XRN1: variants seen among roughly 807,000 people sequenced by gnomAD.
XRN1 encodes strand-exchange protein 1 homolog.
A neutral mutation model predicts 222.3 loss-of-function variants in XRN1; 67 were observed. The observed-to-expected ratio is 0.30, with a 90% CI of 0.25 to 0.37. The LOEUF (loss-of-function observed/expected upper bound fraction) is 0.37, where lower values mean the gene tolerates loss of function less well. Ranked by LOEUF, XRN1 falls within the 10% of genes least tolerant of loss-of-function variation. The pLI is 1.00. For missense variants in XRN1, 1,707 were observed against 2,000.2 expected (o/e 0.85, Z 2.80); for synonymous variants, 643 against 652.4 (o/e 0.99, Z 0.22).
chr3:142,325,358 T>A (rs1394280645), intron 37 of XRN1, among the ~76,000 whole-genome samples: 2 of 152,202 alleles, frequency 1.3e-5, no homozygotes, highest in African/African-American at 4.8e-5. Flanking sequence ...GCCATTTGTA[T>A]GTTTTCTTTT....
intron 1 of XRN1, among the ~76,000 whole-genome samples, chr3:142,439,111 T>C (rs1284868768): frequency 6.6e-6 from 1 of 151,978 alleles, no homozygotes; most frequent in African/African-American, 2.4e-5. Flanking sequence ...TTAAAATAGA[T>C]CTAGGTAAAT....
chr3:142,423,713 A>G, intron 5 of XRN1, 71 bp from the exon 6 acceptor site: 1 of 1,175,094 alleles, frequency 8.5e-7, no homozygotes, highest in Non-Finnish European at 1.2e-6. Flanking sequence ...AAAAGCAATT[A>G]AAAAACAATT....
chr3:142,350,031 A>C (rs2066261105), intron 32 of XRN1, among the ~76,000 whole-genome samples: 1 of 152,184 alleles, frequency 6.6e-6, no homozygotes, highest in Non-Finnish European at 1.5e-5. Flanking sequence ...CATCTGTGGG[A>C]AAGATAAAGT....
intron 8 of XRN1, 129 bp downstream of exon 8, chr3:142,422,453 G>T: frequency 1.0e-6 from 1 of 1,003,694 alleles, no homozygotes; most frequent in Non-Finnish European, 1.5e-6. Context: ...TAGCACCTTA[G>T]ACCAAAATAA....
Position 142,308,644 on chromosome 3 carries a change from T to G in XRN1, c.*2867A>C, listed in dbSNP as rs1263755265. On this transcript the variant is annotated 3_prime_UTR_variant, in exon 41 of 41. Transcript: ENST00000392981. ...AATTATTAGGTAATGCAGGAAAATGTGAAAAGGAACGAGACTGGAAGGAGC... is the reference window on the plus strand; with the variant it reads ...AATTATTAGGTAATGCAGGAAAATGGGAAAAGGAACGAGACTGGAAGGAGC... 2.6e-5 allele frequency: 4 copies of G among 152,178 alleles called. No homozygotes were observed. Among genetic ancestry groups the G allele is most frequent in the Non-Finnish European group, 5.9e-5 (4 of 68,032 alleles). The allele number at this position is 152,178 out of a possible 1,614,324, so 9.4% of individuals were successfully genotyped here.
Position 142,404,972 on chromosome 3 carries a change from G to A in XRN1, c.1818C>T (p.Asp606=), listed in dbSNP as rs1460129738. ...ATGGAGAAGGATAGATAAACTCTGT[G>A]TCTCTATCATACCAGCACATTAGGC... The part of the protein sequence containing the change: ...SECLMCWYDR[D]TEFIYPSPWP... The change falls in exon 16 of 41, where the codon GAC becomes GAT. Residue 606 remains aspartate, a synonymous_variant. Coordinates refer to ENST00000392981, the MANE Select transcript of XRN1 (RefSeq NM_001282857.2). The A allele has an allele frequency of 1.2e-6, 2 of 1,613,890 alleles. No individual in the cohort carries two copies. The highest frequency in any genetic ancestry group is 1.7e-6 in the Non-Finnish European group (2 of 1,179,814).
chr3:142,311,889 T>G, intron 40 of XRN1, 76 bp from the exon 41 acceptor site: 1 of 1,400,356 alleles, frequency 7.1e-7, no homozygotes, highest in Non-Finnish European at 9.6e-7. Flanking sequence ...CCATAAACCA[T>G]GCATGCTGTT....
At chr3:142,388,311 A>T (rs908410717) in intron 20 of XRN1, among the ~76,000 whole-genome samples, 9 of 152,186 alleles carry the variant, frequency 5.9e-5, no homozygotes, top group Non-Finnish European at 1.2e-4. Context: ...ATTTTCTTCT[A>T]TCTTACTTTA....
chr3:142,415,983 G>A (rs770792846), intron 13 of XRN1, among the ~76,000 whole-genome samples: 2 of 152,100 alleles, frequency 1.3e-5, no homozygotes, highest in Non-Finnish European at 2.9e-5. Flanking sequence ...TTGGGAGGCT[G>A]AGGTATGATA....
rs760402609 is a variant in XRN1, at chr3:142,329,575, A to G, written c.4263T>C (p.His1421=). ...MNKPHSANEY[H]NVQSMDNMCW... is the part of the protein sequence containing the mutation. ...ACATATTGTCCATAGACTGAACATTATGGTACTCATTAGCACTGTGAGGCT... is the reference window on the plus strand; with the variant it reads ...ACATATTGTCCATAGACTGAACATTGTGGTACTCATTAGCACTGTGAGGCT... Residue 1421 remains histidine (H), a synonymous_variant, in exon 37 of 41, where the codon CAT becomes CAC. Coordinates refer to ENST00000392981, the MANE Select transcript of XRN1 (RefSeq NM_001282857.2). 2 of 1,576,774 alleles carry G rather than the reference A, an allele frequency of 1.3e-6. No homozygotes were observed. The highest frequency in any genetic ancestry group is 3.8e-5 in the Admixed American group (2 of 52,234).
intron 24 of XRN1, 73 bp from the exon 25 acceptor site, chr3:142,376,017 G>A (rs992513780): frequency 7.0e-5 from 101 of 1,439,992 alleles, no homozygotes; most frequent in Non-Finnish European, 6.4e-5. Flanking sequence ...TTAAAATGTC[G>A]TTCAAGGAAC....
chr3:142,416,415 C>T (rs1388711526), intron 13 of XRN1, among the ~76,000 whole-genome samples: 1 of 152,132 alleles, frequency 6.6e-6, no homozygotes, highest in Non-Finnish European at 1.5e-5. Flanking sequence ...AACTCTTGAC[C>T]TCAAGTGATC....
intron 37 of XRN1, among the ~76,000 whole-genome samples, chr3:142,324,891 CTTCTT>C (rs1472727056): frequency 2.6e-5 from 4 of 151,940 alleles, no homozygotes; most frequent in Admixed American, 1.3e-4. Context: ...GCATAAATGT[CTTCTT>C]TTGAGAAGTG....
At chr3:142,381,874 C>G (rs1167859855) in intron 22 of XRN1, among the ~76,000 whole-genome samples, 1 of 152,072 alleles carries the variant, frequency 6.6e-6, no homozygotes. Context: ...CCAACATTGA[C>G]ATTTTGAAGA....
chr3:142,439,029 A>G (rs982032090), intron 1 of XRN1, among the ~76,000 whole-genome samples: 3 of 152,210 alleles, frequency 2.0e-5, no homozygotes, highest in Non-Finnish European at 2.9e-5. Context: ...TGCCCCCTCC[A>G]AGCAGTGGGA....
intron 12 of XRN1, 118 bp downstream of exon 12, chr3:142,418,383 CAAT>C (rs1384655018): frequency 1.0e-5 from 7 of 699,774 alleles, no homozygotes; most frequent in Non-Finnish European, 1.6e-5. Flanking sequence ...GAAACATACA[CAAT>C]AATTCATGAA....
chr3:142,423,521 G>A (rs371202072), intron 6 of XRN1, 39 bp downstream of exon 6: 143 of 1,487,566 alleles, frequency 9.6e-5, no homozygotes, highest in Admixed American at 6.5e-4. Context: ...CTATCCAGGC[G>A]TAATTTCTTT....
intron 2 of XRN1, among the ~76,000 whole-genome samples, chr3:142,431,869 ATTATATTATATATATTATATATAATAT>A (rs2069560253): frequency 1.4e-5 from 1 of 71,280 alleles, no homozygotes; most frequent in Non-Finnish European, 2.3e-5. Context: ...TATATAATAT[ATTATATTATATATATTATATATAATAT>A]ATATATTATA....
intron 26 of XRN1, among the ~76,000 whole-genome samples, chr3:142,370,846 C>T (rs954057336): frequency 1.3e-5 from 2 of 151,748 alleles, no homozygotes; most frequent in African/African-American, 4.8e-5. Context: ...ATTTGTTAAG[C>T]TCTTAAAGCA....
Sources: gnomAD v4.1 joint callset for allele counts (sites outside exome capture counted in the v4.1 genomes callset) on GRCh38, gnomAD v4.1.1 for gene constraint, MANE v1.5 for transcripts, NCBI Gene and HGNC (gene_info 2026-07-23, HGNC 2026-07-21) for gene names.